DOCK4: variants seen among roughly 807,000 people sequenced by gnomAD.
DOCK4 encodes the protein dedicator of cytokinesis 4.
DOCK4 carries 97 observed loss-of-function variants against 268.1 expected under a neutral mutation model. That is an observed-to-expected ratio of 0.36 (90% CI 0.31 to 0.43). DOCK4 has a LOEUF of 0.43. DOCK4 is among the 20% of genes least tolerant of loss of function. DOCK4 has a pLI of 1.00. For synonymous variants in DOCK4, 954 were observed against 887.2 expected, an observed-to-expected ratio of 1.08 and a Z score of -1.34; for missense variants, 2,145 against 2,455.7, an observed-to-expected ratio of 0.87 and a Z score of 2.67.
intron 1 of DOCK4, among the ~76,000 whole-genome samples, chr7:112,189,325 A>T (rs1194575751): frequency 6.6e-6 from 1 of 151,964 alleles, no homozygotes; most frequent in African/African-American, 2.4e-5. Context: ...TTGTTACAAA[A>T]TGCAATCACT....
At position 111,900,530 on chromosome 7, in the gene DOCK4, T is replaced by G. The variant is rs767424983; in HGVS notation, c.1324A>C (p.Ile442Leu). 22 of 1,609,970 alleles carry G rather than the reference T, an allele frequency of 1.4e-5. No individual in the cohort carries two copies. The highest frequency in any genetic ancestry group is 1.4e-5 in the Non-Finnish European group (17 of 1,178,252). ...DSSGQTLKDF[I>L]SFGSGEPPAS... is the part of the protein sequence containing the mutation. ...GGTGGCTCCCCAGAGCCGAAGGAGATAAAATCCTAACAAAGGGAAGAACAC... is the reference window on the plus strand; with the variant it reads ...GGTGGCTCCCCAGAGCCGAAGGAGAGAAAATCCTAACAAAGGGAAGAACAC... Residue 442 changes from isoleucine to leucine, a missense_variant, in exon 15 of 53, where the codon ATC becomes CTC. Around this residue, in one of 2 missense-constraint regions of DOCK4, gnomAD observed 1,598 missense variants for 1,986.7 expected, o/e 0.80. Transcript: ENST00000428084.
intron 13 of DOCK4, among the ~76,000 whole-genome samples, chr7:111,913,111 A>G (rs55720980): frequency 0.21 from 32,313 of 151,328 alleles, 3,479 homozygotes; most frequent in African/African-American, 0.23. Flanking sequence ...TTACAGTCAC[A>G]TGCCACCATG....
chr7:112,096,088 T>C (rs920424037), intron 1 of DOCK4, among the ~76,000 whole-genome samples: 1 of 152,096 alleles, frequency 6.6e-6, no homozygotes, highest in African/African-American at 2.4e-5. Context: ...AGAAACTTTG[T>C]CTCGTAATAA....
intron 1 of DOCK4, among the ~76,000 whole-genome samples, chr7:112,097,130 G>A (rs1177025214): frequency 6.6e-6 from 1 of 152,128 alleles, no homozygotes; most frequent in African/African-American, 2.4e-5. Flanking sequence ...CCAGAAGAGA[G>A]GAAGTGATAG....
chr7:111,991,395 T>A (rs1377293919), intron 5 of DOCK4, among the ~76,000 whole-genome samples: 3 of 152,186 alleles, frequency 2.0e-5, no homozygotes, highest in Non-Finnish European at 4.4e-5. Context: ...TGAAGGCTAT[T>A]CAGATATATG....
chr7:111,990,431 TCTTCTACAGCTGTAAGCTGCCAGAAA>T (rs1799431290), intron 5 of DOCK4, among the ~76,000 whole-genome samples: 1 of 152,226 alleles, frequency 6.6e-6, no homozygotes, highest in African/African-American at 2.4e-5. Context: ...CCATCTAAAG[TCTTCTACAGCTGTAAGCTGCCAGAAA>T]TATCAAATTC....
At chr7:112,145,890 T>C (rs1271918783) in intron 1 of DOCK4, among the ~76,000 whole-genome samples, 1 of 152,190 alleles carries the variant, frequency 6.6e-6, no homozygotes, top group African/African-American at 2.4e-5. Flanking sequence ...AATATATTTA[T>C]AACAATCTAT....
In DOCK4 at chr7:111,727,880, T is replaced by C. The variant is rs1794751790; in HGVS notation, c.*394A>G. ...AGGACCACTGTGTTAGGATGTGCAC[T>C]GACTTAATAAGCTTTCTCCAAGTAT... On this transcript the variant is annotated 3_prime_UTR_variant, in exon 53 of 53. Coordinates refer to ENST00000428084, the MANE Select transcript of DOCK4 (RefSeq NM_001363540.2). The C allele has an allele frequency of 1.2e-5, 2 of 162,534 alleles. No homozygotes were observed. Among genetic ancestry groups the C allele is most frequent in the Non-Finnish European group, 2.7e-5 (2 of 75,320 alleles). 10.1% of individuals were successfully genotyped at this position (162,534 alleles called of 1,614,324 possible).
At chr7:111,817,921 AAAC>A (rs994809080) in intron 27 of DOCK4, among the ~76,000 whole-genome samples, 34 of 152,144 alleles carry the variant, frequency 2.2e-4, no homozygotes, top group African/African-American at 7.5e-4. Context: ...CACTCCACTG[AAAC>A]AACACTTGTC....
intron 22 of DOCK4, among the ~76,000 whole-genome samples, chr7:111,865,510 G>C (rs544814833): frequency 3.9e-5 from 6 of 152,204 alleles, no homozygotes; most frequent in Non-Finnish European, 7.3e-5. Flanking sequence ...GTAAAGCTTG[G>C]ACAAATTCAG....
chr7:112,126,097 G>A (rs1813195285), intron 1 of DOCK4, among the ~76,000 whole-genome samples: 1 of 152,078 alleles, frequency 6.6e-6, no homozygotes, highest in Admixed American at 6.6e-5. Context: ...CACCATGCCT[G>A]GCCTACACTA....
intron 5 of DOCK4, among the ~76,000 whole-genome samples, chr7:111,991,977 A>G (rs1050030241): frequency 9.4e-5 from 14 of 149,418 alleles, no homozygotes; most frequent in Non-Finnish European, 2.1e-4. Context: ...AAAAAAAAAA[A>G]AAAAAAAAAA....
intron 50 of DOCK4, 42 bp downstream of exon 50, chr7:111,736,875 A>G: frequency 1.3e-6 from 2 of 1,538,290 alleles, no homozygotes; most frequent in Non-Finnish European, 1.8e-6. Flanking sequence ...GGATAAAACA[A>G]GCCCTTACAC....
chr7:111,863,668 T>C (rs1805742681), intron 22 of DOCK4, 104 bp from the exon 23 acceptor site: 1 of 1,207,048 alleles, frequency 8.3e-7, no homozygotes, highest in African/African-American at 1.5e-5. Flanking sequence ...TTTTGAATGG[T>C]AGGAATAGAA....
intron 1 of DOCK4, among the ~76,000 whole-genome samples, chr7:112,193,190 T>C (rs1820130219): frequency 6.6e-6 from 1 of 152,168 alleles, no homozygotes; most frequent in African/African-American, 2.4e-5. Context: ...TTTGGTTGCT[T>C]TGAAGGCACC....
Position 111,726,964 on chromosome 7 carries a change from C to G in DOCK4, c.*1310G>C, listed in dbSNP as rs1020187030. 2 of 152,482 alleles carry G rather than the reference C, an allele frequency of 1.3e-5. No homozygotes were observed. The highest frequency in any genetic ancestry group is 4.8e-5 in the African/African-American group (2 of 41,426). The allele number at this position is 152,482 out of a possible 1,614,324, so 9.4% of individuals were successfully genotyped here. On this transcript the variant is annotated 3_prime_UTR_variant, in exon 53 of 53. Transcript: ENST00000428084. ...TACCAACAAAACAAACATGGTTAAA[C>G]TAAAATGAGCTTCCCAACAAAAGAG...
chr7:111,949,989 C>T (rs1172659066), intron 8 of DOCK4, among the ~76,000 whole-genome samples: 3 of 152,320 alleles, frequency 2.0e-5, no homozygotes, highest in South Asian at 2.1e-4. Context: ...TACAGCAGCG[C>T]GATCTCAGCT....
chr7:111,963,296 C>CG (rs1797086418), intron 8 of DOCK4, among the ~76,000 whole-genome samples: 1 of 146,370 alleles, frequency 6.8e-6, no homozygotes, highest in Non-Finnish European at 1.5e-5. Flanking sequence ...TCTGAGGTAC[C>CG]GGGTTCATCT....
intron 22 of DOCK4, among the ~76,000 whole-genome samples, chr7:111,866,132 AC>A (rs2134202622): frequency 6.6e-6 from 1 of 152,342 alleles, no homozygotes; most frequent in East Asian, 1.9e-4. Context: ...GTCATTTGTT[AC>A]ACAGCAATAG....
Sources: allele counts gnomAD v4.1 joint callset (sites outside exome capture counted in the v4.1 genomes callset), GRCh38; gene constraint gnomAD v4.1.1; regional missense constraint gnomAD v4.1.1; transcripts MANE v1.5; gene names NCBI Gene and HGNC (gene_info 2026-07-23, HGNC 2026-07-21).